The following PTH2R variants were observed in gnomAD, a reference collection of about 807,000 sequenced individuals.
PTH2R encodes the protein parathyroid hormone 2 receptor, also known as PTH2 receptor.
In PTH2R, 59 loss-of-function variants were observed where a neutral mutation model predicts 60.3. That is an observed-to-expected ratio of 0.98 (90% confidence interval 0.79 to 1.22). PTH2R has a LOEUF of 1.22. PTH2R is among the 50% of genes most tolerant of loss of function. PTH2R has a pLI of 0.00. For missense variants in PTH2R, 749 were observed against 682.6 expected (o/e 1.10, Z -1.08); for synonymous variants, 256 against 243.8 (o/e 1.05, Z -0.47).
chr2:208,434,112 A>G (rs1487198782), intron 2 of PTH2R, among the ~76,000 whole-genome samples: 1 of 152,058 alleles, frequency 6.6e-6, no homozygotes, highest in Non-Finnish European at 1.5e-5. Flanking sequence ...TCAGGAGTTC[A>G]AGACCAGCCT....
intron 2 of PTH2R, among the ~76,000 whole-genome samples, chr2:208,435,018 C>A (rs756586219): frequency 1.3e-5 from 2 of 152,122 alleles, no homozygotes; most frequent in Non-Finnish European, 2.9e-5. Context: ...AAGACATTTT[C>A]TTTTCTTATT....
At chr2:208,361,620 A>G (rs1700475978) in intron 1 of PTH2R, among the ~76,000 whole-genome samples, 1 of 152,188 alleles carries the variant, frequency 6.6e-6, no homozygotes, top group Non-Finnish European at 1.5e-5. Context: ...CCAGGCAGCT[A>G]CCATTTCTGT....
chr2:208,410,873 C>G (rs374964559), intron 1 of PTH2R, among the ~76,000 whole-genome samples: 3 of 152,140 alleles, frequency 2.0e-5, no homozygotes, highest in African/African-American at 4.8e-5. Flanking sequence ...TAGGCCTGCA[C>G]TCTGCATCTC....
chr2:208,473,023 G>A (rs1372085256), intron 9 of PTH2R, among the ~76,000 whole-genome samples: 1 of 152,188 alleles, frequency 6.6e-6, no homozygotes, highest in Non-Finnish European at 1.5e-5. Flanking sequence ...GTTTCCTTAT[G>A]TAGGGGCACA....
At chr2:208,420,731 G>A (rs1330748483) in intron 1 of PTH2R, among the ~76,000 whole-genome samples, 1 of 152,120 alleles carries the variant, frequency 6.6e-6, no homozygotes, top group African/African-American at 2.4e-5. Context: ...CATTACTGTA[G>A]TACAATATTA....
At chr2:208,364,079 T>A (rs903179947) in intron 1 of PTH2R, among the ~76,000 whole-genome samples, 1 of 152,196 alleles carries the variant, frequency 6.6e-6, no homozygotes, top group Non-Finnish European at 1.5e-5. Flanking sequence ...GTAATTTGAT[T>A]ATTTTGTTGT....
In PTH2R at chr2:208,371,521, C is replaced by G. The variant is rs367798810; in HGVS notation, c.-259+11284C>G. On this transcript the variant is annotated intron_variant, in intron 1 of 12. Coordinates refer to the PTH2R transcript ENST00000617735. ...TCAGGCATGGAGAATAAACTTTTCT[C>G]CTGTTAATGTATTTTCAACTAATTC... Among the ~76,000 whole-genome samples, 5 of 152,110 alleles carry G rather than the reference C, an allele frequency of 3.3e-5. 1 individual carries two copies. The highest frequency in any genetic ancestry group is 1.2e-4 in the African/African-American group (5 of 41,368).
intron 1 of PTH2R, among the ~76,000 whole-genome samples, chr2:208,371,070 G>A (rs1027168259): frequency 6.6e-6 from 1 of 151,980 alleles, no homozygotes; most frequent in African/African-American, 2.4e-5. Flanking sequence ...CATGGGGATG[G>A]CACTAAGCCA....
At chr2:208,378,325 A>G (rs1191396612) in intron 1 of PTH2R, among the ~76,000 whole-genome samples, 3 of 151,660 alleles carry the variant, frequency 2.0e-5, no homozygotes, top group Non-Finnish European at 4.4e-5. Context: ...TGGCAGCAGT[A>G]CAGTCCAGCT....
intron 1 of PTH2R, among the ~76,000 whole-genome samples, chr2:208,413,109 A>C (rs1334929081): frequency 1.3e-5 from 2 of 150,218 alleles, no homozygotes; most frequent in African/African-American, 4.9e-5. Context: ...ACACAGATGT[A>C]GTTATTTCAT....
chr2:208,396,967 T>C (rs1701221245), intron 1 of PTH2R, among the ~76,000 whole-genome samples: 1 of 152,144 alleles, frequency 6.6e-6, no homozygotes, highest in South Asian at 2.1e-4. Context: ...CATGGAATAC[T>C]ATGCAGCCAT....
At chr2:208,371,396 G>A (rs1468988016) in intron 1 of PTH2R, among the ~76,000 whole-genome samples, 1 of 152,112 alleles carries the variant, frequency 6.6e-6, no homozygotes, top group Non-Finnish European at 1.5e-5. Context: ...GTGTAAATGA[G>A]TCTTATCAGA....
intron 1 of PTH2R, among the ~76,000 whole-genome samples, chr2:208,368,349 T>C (rs1219199136): frequency 1.3e-5 from 2 of 152,194 alleles, no homozygotes; most frequent in Non-Finnish European, 2.9e-5. Flanking sequence ...TTAAGTAGCA[T>C]CAGGCATTCC....
intron 9 of PTH2R, among the ~76,000 whole-genome samples, chr2:208,465,605 C>T (rs1031818509): frequency 5.9e-5 from 9 of 151,316 alleles, no homozygotes; most frequent in Admixed American, 2.0e-4. Context: ...GATTTCGCCA[C>T]GTTGGCCAGG....
At chr2:208,481,562 T>G (rs975241938) in intron 10 of PTH2R, among the ~76,000 whole-genome samples, 1 of 152,296 alleles carries the variant, frequency 6.6e-6, no homozygotes, top group Non-Finnish European at 1.5e-5. Context: ...GAAATATCTT[T>G]AAGAGATTAA....
At chr2:208,476,552 A>G (rs1387224704) in intron 9 of PTH2R, among the ~76,000 whole-genome samples, 1 of 152,214 alleles carries the variant, frequency 6.6e-6, no homozygotes, top group Non-Finnish European at 1.5e-5. Context: ...GATAGAGATC[A>G]GGGAGTTTAT....
intron 9 of PTH2R, among the ~76,000 whole-genome samples, chr2:208,460,503 T>C (rs2105888158): frequency 6.6e-6 from 1 of 152,236 alleles, no homozygotes; most frequent in South Asian, 2.1e-4. Context: ...TTGAAAGTAA[T>C]GGCAAAAAAC....
intron 9 of PTH2R, among the ~76,000 whole-genome samples, chr2:208,469,018 A>G (rs1255375267): frequency 1.3e-5 from 2 of 152,248 alleles, no homozygotes; most frequent in South Asian, 2.1e-4. Context: ...AGTTCATTTT[A>G]TGCAATCTTT....
intron 9 of PTH2R, among the ~76,000 whole-genome samples, chr2:208,480,440 TC>T (rs1428007366): frequency 1.3e-5 from 2 of 152,114 alleles, no homozygotes; most frequent in Non-Finnish European, 2.9e-5. Flanking sequence ...ATCCTTGAGG[TC>T]CTCAGACAGA....
Sources: gnomAD v4.1 joint callset for allele counts (sites outside exome capture counted in the v4.1 genomes callset) on GRCh38, gnomAD v4.1.1 for gene constraint, MANE v1.5 for transcripts, NCBI Gene and HGNC (gene_info 2026-07-23, HGNC 2026-07-21) for gene names.